Variants in DIAPH2 observed in about 807,000 individuals in gnomAD.
DIAPH2 encodes diaphanous related formin 2.
Under a neutral mutation model 92.7 loss-of-function variants are expected in DIAPH2, and 35 were observed. The ratio of observed to expected loss-of-function variants is 0.38; its 90% CI spans 0.29 to 0.50. DIAPH2 has a LOEUF of 0.50. Ranked by LOEUF, DIAPH2 falls within the 20% of genes least tolerant of loss-of-function variation. DIAPH2 has a pLI of 0.94. For synonymous variants in DIAPH2, 301 were observed against 280.4 expected (o/e 1.07, Z -0.73); for missense variants, 701 against 819.5 (o/e 0.86, Z 1.77).
intron 3 of DIAPH2, among the ~76,000 whole-genome samples, chrX:96,749,145 A>ATATATAT (rs1556122921): frequency 1.6e-4 from 13 of 79,823 alleles, no homozygotes; most frequent in African/African-American, 6.2e-4. Flanking sequence ...AAAAAAAAAA[A>ATATATAT]ATATATATAT....
intron 23 of DIAPH2, among the ~76,000 whole-genome samples, chrX:97,278,397 A>T (rs1210967268): frequency 9.0e-6 from 1 of 111,401 alleles, no homozygotes; most frequent in African/African-American, 3.3e-5. Flanking sequence ...ATGGGTTTTG[A>T]CAAATGTATG....
At chrX:96,694,444 G>A (rs1486214010) in intron 1 of DIAPH2, among the ~76,000 whole-genome samples, 3 of 109,822 alleles carry the variant, frequency 2.7e-5, no homozygotes, top group Non-Finnish European at 5.7e-5. Context: ...GGGTTCAAGC[G>A]ATTCTTCTGC....
chrX:96,726,227 G>A (rs960046776), intron 1 of DIAPH2, among the ~76,000 whole-genome samples: 15 of 101,867 alleles, frequency 1.5e-4, no homozygotes, highest in African/African-American at 5.3e-4. Context: ...TCTCTCTGTC[G>A]CTCTCTTCCT....
chrX:97,262,778 A>G (rs1305854407), intron 23 of DIAPH2, among the ~76,000 whole-genome samples: 1 of 112,085 alleles, frequency 8.9e-6, no homozygotes, highest in Non-Finnish European at 1.9e-5. Flanking sequence ...AAGCCATTAG[A>G]CTGGTTAAGG....
intron 1 of DIAPH2, among the ~76,000 whole-genome samples, chrX:96,705,871 G>T (rs1184892438): frequency 9.0e-6 from 1 of 111,589 alleles, no homozygotes; most frequent in Non-Finnish European, 1.9e-5. Flanking sequence ...TTGAGTGCAG[G>T]CCCTGGGAAT....
chrX:97,247,756 C>T lies in DIAPH2; in HGVS notation c.2761C>T (p.Gln921Ter). The T allele has an allele frequency of 1.7e-6, 2 of 1,205,650 alleles. No homozygotes were observed. The highest frequency in any genetic ancestry group is 1.1e-6 in the Non-Finnish European group (1 of 890,559). Residue 921 changes from glutamine to a stop codon, truncating the protein, a stop_gained, in exon 23 of 27, where the codon CAA (glutamine) becomes TAA (stop). Transcript: ENST00000324765. LOFTEE classifies it high-confidence loss of function. ...CAAGAGCAACCTTGCATCAATGGAA[C>T]AACAAATTGTTCATCTGGAACGTGA... ...ILKSNLASME[Q>*]QIVHLERDIK...
At chrX:97,276,950 T>C (rs1232903926) in intron 23 of DIAPH2, among the ~76,000 whole-genome samples, 1 of 112,428 alleles carries the variant, frequency 8.9e-6, no homozygotes, top group Admixed American at 9.4e-5. Context: ...AGTGGTACAA[T>C]CTATGATCAT....
intron 26 of DIAPH2, among the ~76,000 whole-genome samples, chrX:97,441,226 A>T (rs1267685108): frequency 9.1e-6 from 1 of 109,846 alleles, no homozygotes; most frequent in Non-Finnish European, 1.9e-5. Flanking sequence ...GACCAGCCTG[A>T]CCAACATGGA....
intron 4 of DIAPH2, among the ~76,000 whole-genome samples, chrX:96,777,965 T>C (rs1263739401): frequency 1.8e-5 from 2 of 108,546 alleles, no homozygotes; most frequent in Non-Finnish European, 1.9e-5. Flanking sequence ...ATGTGCCATG[T>C]TGGTGTGCTG....
intron 25 of DIAPH2, among the ~76,000 whole-genome samples, chrX:97,414,698 C>T (rs757934145): frequency 9.2e-6 from 1 of 108,657 alleles, no homozygotes; most frequent in East Asian, 2.9e-4. Flanking sequence ...TTCCTTACAC[C>T]TTATACAAAA....
At chrX:96,876,933 A>G (rs1443426999) in intron 4 of DIAPH2, among the ~76,000 whole-genome samples, 8 of 110,988 alleles carry the variant, frequency 7.2e-5, no homozygotes, top group Non-Finnish European at 1.1e-4. Context: ...TTCAATGCAA[A>G]TTGCATATTA....
At chrX:96,956,659 A>T in intron 15 of DIAPH2, among the ~76,000 whole-genome samples, 1 of 112,162 alleles carries the variant, frequency 8.9e-6, no homozygotes, top group Non-Finnish European at 1.9e-5. Context: ...ACAAAATGCC[A>T]CCAGTCTCTT....
intron 23 of DIAPH2, among the ~76,000 whole-genome samples, chrX:97,343,638 C>T (rs1010048557): frequency 7.4e-5 from 8 of 108,527 alleles, no homozygotes; most frequent in African/African-American, 2.7e-4. Context: ...CACTACACTC[C>T]AGCCTGGGTG....
chrX:97,572,291 T>C (rs1189077379), intron 26 of DIAPH2, among the ~76,000 whole-genome samples: 2 of 111,552 alleles, frequency 1.8e-5, no homozygotes. Flanking sequence ...TGTAAAATTT[T>C]ACAGACAAGT....
At chrX:97,278,046 A>G (rs1187708591) in intron 23 of DIAPH2, among the ~76,000 whole-genome samples, 2 of 111,668 alleles carry the variant, frequency 1.8e-5, no homozygotes, top group Admixed American at 1.9e-4. Context: ...GGGTTTCACC[A>G]TGTTGGCTAG....
intron 17 of DIAPH2, among the ~76,000 whole-genome samples, chrX:96,970,944 A>G (rs565153420): frequency 6.3e-5 from 7 of 111,442 alleles, no homozygotes; most frequent in African/African-American, 2.3e-4. Flanking sequence ...GTCTCTTTTC[A>G]TTTATTCCAA....
At chrX:97,029,177 T>G (rs1392565073) in intron 17 of DIAPH2, among the ~76,000 whole-genome samples, 1 of 106,725 alleles carries the variant, frequency 9.4e-6, no homozygotes, top group Non-Finnish European at 1.9e-5. Flanking sequence ...AGACAGGATC[T>G]TGCTCTGCCA....
chrX:96,688,280 T>C (rs1315763939), intron 1 of DIAPH2, among the ~76,000 whole-genome samples: 1 of 112,799 alleles, frequency 8.9e-6, no homozygotes, highest in Non-Finnish European at 1.9e-5. Context: ...ATTTTTCTGG[T>C]TATTATGTAA....
chrX:96,765,193 GT>G lies in DIAPH2; in HGVS notation c.447+6957del, dbSNP rs142407154. ...TGAGAGAGAGAGACCATATTCACAT[GT>G]TTTTTTTTTTTTTTTTTTTTTGAGA... On this transcript the variant is annotated intron_variant, in intron 4 of 26. Coordinates refer to ENST00000324765, the MANE Select transcript of DIAPH2 (RefSeq NM_006729.5). Among the ~76,000 whole-genome samples the G allele has an allele frequency of 5.1e-3, 426 of 83,228 alleles. 4 individuals carry two copies. The highest frequency in any genetic ancestry group is 0.042 in the East Asian group (105 of 2,482). 72.3% of individuals were successfully genotyped at this position (83,228 alleles called of 115,157 possible).
Sources: allele counts gnomAD v4.1 joint callset (sites outside exome capture counted in the v4.1 genomes callset), GRCh38; gene constraint gnomAD v4.1.1; transcripts MANE v1.5; gene names NCBI Gene and HGNC (gene_info 2026-07-23, HGNC 2026-07-21).